The following SEZ6L variants were observed in gnomAD, a reference collection of about 807,000 sequenced individuals.
SEZ6L encodes the protein seizure 6-like protein.
Under a neutral mutation model 106.2 loss-of-function variants are expected in SEZ6L, and 37 were observed. The observed-to-expected ratio is 0.35, with a 90% CI of 0.27 to 0.46. The LOEUF (loss-of-function observed/expected upper bound fraction) is 0.46. SEZ6L is among the 20% of genes least tolerant of loss of function. The pLI, the probability that SEZ6L is intolerant of heterozygous loss-of-function variation, is 1.00. For missense variants in SEZ6L, 1,172 were observed against 1,332.8 expected (o/e 0.88, Z 1.88); for synonymous variants, 541 against 570.4 (o/e 0.95, Z 0.73).
At chr22:26,324,338 C>T (rs1051959460) in intron 9 of SEZ6L, among the ~76,000 whole-genome samples, 1 of 152,150 alleles carries the variant, frequency 6.6e-6, no homozygotes, top group Non-Finnish European at 1.5e-5. Context: ...AGCCCCAGCA[C>T]AGTTCTCTAA....
intron 1 of SEZ6L, among the ~76,000 whole-genome samples, chr22:26,192,172 A>T (rs1244484420): frequency 6.6e-6 from 1 of 152,070 alleles, no homozygotes; most frequent in Non-Finnish European, 1.5e-5. Flanking sequence ...GCATCCTTTT[A>T]TCTGTCCACT....
At chr22:26,180,222 G>T (rs1939299002) in intron 1 of SEZ6L, among the ~76,000 whole-genome samples, 1 of 152,210 alleles carries the variant, frequency 6.6e-6, no homozygotes, top group Non-Finnish European at 1.5e-5. Context: ...CTTGATAGCT[G>T]CTTCTCAATT....
intron 1 of SEZ6L, among the ~76,000 whole-genome samples, chr22:26,211,418 G>A (rs78446372): frequency 6.6e-6 from 1 of 152,066 alleles, no homozygotes. Flanking sequence ...ACCCACCTCA[G>A]GTCCTAGGCC....
intron 9 of SEZ6L, among the ~76,000 whole-genome samples, chr22:26,333,600 G>C (rs1018912058): frequency 3.9e-5 from 6 of 152,180 alleles, no homozygotes; most frequent in Non-Finnish European, 7.3e-5. Flanking sequence ...CCCTGAGCTG[G>C]CACTGATTCA....
intron 9 of SEZ6L, among the ~76,000 whole-genome samples, chr22:26,321,932 C>T (rs1209300174): frequency 3.9e-5 from 6 of 152,034 alleles, no homozygotes; most frequent in African/African-American, 1.4e-4. Flanking sequence ...CTGTTGATAC[C>T]GTGGCCATGG....
At position 26,348,032 on chromosome 22, in the gene SEZ6L, C is replaced by T. The variant is rs2083068354; in HGVS notation, c.2407+119C>T. 1.2e-5 allele frequency: 9 copies of T among 733,552 alleles called. No homozygotes were observed. In the South Asian group the frequency reaches 1.6e-4, roughly 13 times the overall value. 45.4% of individuals were successfully genotyped at this position (733,552 alleles called of 1,614,324 possible). ...TAGAATCTGGACTCCCCCTCCACCACCAATTCACGAGCATTGCTCACAAAT... is the reference window on the plus strand; with the variant it reads ...TAGAATCTGGACTCCCCCTCCACCATCAATTCACGAGCATTGCTCACAAAT... On this transcript the variant is annotated intron_variant, in intron 11 of 16. Transcript: ENST00000248933.
At chr22:26,283,380 T>C (rs995221499) in intron 1 of SEZ6L, among the ~76,000 whole-genome samples, 4 of 152,230 alleles carry the variant, frequency 2.6e-5, no homozygotes, top group African/African-American at 9.6e-5. Flanking sequence ...GTTTATATTT[T>C]AATGTAATCA....
intron 1 of SEZ6L, among the ~76,000 whole-genome samples, chr22:26,250,420 T>A (rs1327339562): frequency 6.6e-6 from 1 of 152,324 alleles, no homozygotes; most frequent in African/African-American, 2.4e-5. Flanking sequence ...TAAGAGAATG[T>A]CCATTCCCCC....
chr22:26,290,836 C>A (rs1456371189), intron 1 of SEZ6L, among the ~76,000 whole-genome samples: 1 of 152,242 alleles, frequency 6.6e-6, no homozygotes, highest in Non-Finnish European at 1.5e-5. Flanking sequence ...AGCCTCCAAG[C>A]CTCCATGGGT....
At chr22:26,269,037 T>A (rs1232989532) in intron 1 of SEZ6L, among the ~76,000 whole-genome samples, 1 of 152,214 alleles carries the variant, frequency 6.6e-6, no homozygotes, top group Non-Finnish European at 1.5e-5. Flanking sequence ...GGACAATGGA[T>A]GTGACTGTGC....
intron 1 of SEZ6L, among the ~76,000 whole-genome samples, chr22:26,219,272 G>GTTTTTA (rs2078391270): frequency 1.6e-4 from 15 of 92,334 alleles, no homozygotes; most frequent in South Asian, 3.1e-4. Context: ...TTTTTTTTTC[G>GTTTTTA]CTCCTGGCAA....
intron 1 of SEZ6L, among the ~76,000 whole-genome samples, chr22:26,267,042 C>G (rs921962104): frequency 6.6e-6 from 1 of 152,156 alleles, no homozygotes; most frequent in Non-Finnish European, 1.5e-5. Flanking sequence ...CAGAGGAAAT[C>G]GTGTGTACAG....
chr22:26,224,482 A>C (rs2078577992), intron 1 of SEZ6L, among the ~76,000 whole-genome samples: 1 of 152,136 alleles, frequency 6.6e-6, no homozygotes, highest in Non-Finnish European at 1.5e-5. Flanking sequence ...GGCTTACTCT[A>C]TGTGTAATGG....
intron 1 of SEZ6L, among the ~76,000 whole-genome samples, chr22:26,245,987 A>G (rs1401255196): frequency 3.3e-5 from 5 of 152,266 alleles, no homozygotes; most frequent in Non-Finnish European, 7.3e-5. Flanking sequence ...GCCAAAGCAG[A>G]CCATGCAAAA....
At chr22:26,326,532 C>G (rs2145955980) in intron 9 of SEZ6L, among the ~76,000 whole-genome samples, 1 of 152,252 alleles carries the variant, frequency 6.6e-6, no homozygotes, top group South Asian at 2.1e-4. Context: ...TCAAAGCAAC[C>G]TAGGAGAGTC....
At chr22:26,338,364 C>T (rs1394037883) in intron 9 of SEZ6L, among the ~76,000 whole-genome samples, 1 of 152,136 alleles carries the variant, frequency 6.6e-6, no homozygotes, top group Non-Finnish European at 1.5e-5. Flanking sequence ...CCTTTCTTCC[C>T]TCTGCCTTCT....
chr22:26,271,251 T>G (rs955632134), intron 1 of SEZ6L, among the ~76,000 whole-genome samples: 5 of 152,236 alleles, frequency 3.3e-5, no homozygotes, highest in African/African-American at 1.2e-4. Context: ...GGTTACAGCA[T>G]CATAGGAAAG....
intron 9 of SEZ6L, among the ~76,000 whole-genome samples, chr22:26,327,004 C>A (rs1054387203): frequency 6.6e-6 from 1 of 152,166 alleles, no homozygotes; most frequent in South Asian, 2.1e-4. Context: ...GGTGTTCTGG[C>A]CGCTCGGATT....
At chr22:26,277,752 C>T (rs925041044) in intron 1 of SEZ6L, among the ~76,000 whole-genome samples, 8 of 152,176 alleles carry the variant, frequency 5.3e-5, no homozygotes, top group Admixed American at 4.6e-4. Flanking sequence ...TGGGGGCCTA[C>T]TATGTGTCAG....
Sources: gnomAD v4.1 joint callset for allele counts (sites outside exome capture counted in the v4.1 genomes callset) on GRCh38, gnomAD v4.1.1 for gene constraint, MANE v1.5 for transcripts, NCBI Gene and HGNC (gene_info 2026-07-23, HGNC 2026-07-21) for gene names.